ABLIM2: variants seen among roughly 807,000 people sequenced by gnomAD.
ABLIM2 encodes the protein actin binding LIM protein family member 2.
ABLIM2 carries 53 observed loss-of-function variants against 97.7 expected under a neutral mutation model. The observed-to-expected ratio is 0.54, with a 90% CI of 0.44 to 0.68. ABLIM2 has a LOEUF of 0.68. Among genes scored for constraint, ABLIM2 ranks in the 30% least tolerant of loss-of-function variants. The pLI is 0.00. For missense variants in ABLIM2, 835 were observed against 867.2 expected (o/e 0.96, Z 0.47); for synonymous variants, 361 against 345.8 (o/e 1.04, Z -0.49).
intron 6 of ABLIM2, among the ~76,000 whole-genome samples, chr4:8,070,960 C>T (rs1222800301): frequency 6.6e-6 from 1 of 152,168 alleles, no homozygotes; most frequent in Non-Finnish European, 1.5e-5. Context: ...GGGCTGGAAA[C>T]AGGCACCCCC....
At chr4:8,078,321 T>C (rs1321371997) in intron 5 of ABLIM2, among the ~76,000 whole-genome samples, 3 of 152,226 alleles carry the variant, frequency 2.0e-5, no homozygotes, top group Admixed American at 6.5e-5. Context: ...GCTGCACGTA[T>C]GCGTCCATCC....
At chr4:8,129,920 A>T (rs755452028) in intron 1 of ABLIM2, among the ~76,000 whole-genome samples, 1 of 152,186 alleles carries the variant, frequency 6.6e-6, no homozygotes, top group Non-Finnish European at 1.5e-5. Context: ...GCTCAGAGAC[A>T]CTGGGGAGCC....
intron 11 of ABLIM2, 113 bp from the exon 12 acceptor site, chr4:8,027,970 T>C (rs530699603): frequency 1.3e-6 from 1 of 753,030 alleles, no homozygotes; most frequent in Non-Finnish European, 2.0e-6. Flanking sequence ...TCTTGAGGAA[T>C]GCACAACTTT....
chr4:7,982,456 A>C (rs533055609), intron 20 of ABLIM2, among the ~76,000 whole-genome samples: 150 of 152,358 alleles, frequency 9.8e-4, no homozygotes, highest in Non-Finnish European at 1.7e-3. Flanking sequence ...GGCGGTTGTG[A>C]GGAGTAACAG....
intron 1 of ABLIM2, among the ~76,000 whole-genome samples, chr4:8,109,961 T>C (rs1468439484): frequency 1.3e-5 from 2 of 152,220 alleles, no homozygotes; most frequent in African/African-American, 4.8e-5. Flanking sequence ...AGAAACCACC[T>C]CATCCGTTAT....
chr4:8,155,915 G>A lies in ABLIM2; in HGVS notation c.10+2765C>T, dbSNP rs1009048690. Reference sequence around the variant, plus strand: ...GGCCGTCCACAAGCCAAGGAGAGGGGCTTTGGAAGGAAGTAACCCAGCTGA... The same window carrying A: ...GGCCGTCCACAAGCCAAGGAGAGGGACTTTGGAAGGAAGTAACCCAGCTGA... On this transcript the variant is annotated intron_variant, in intron 1 of 20. Coordinates refer to ENST00000447017, the MANE Select transcript of ABLIM2 (RefSeq NM_001130083.2). The surrounding 1 kb of genome is among the most constrained non-coding windows in gnomAD (Gnocchi z 4.2). 6.6e-6 allele frequency among the ~76,000 whole-genome samples: 1 copy of A among 152,158 alleles called. No homozygotes were observed. Among genetic ancestry groups the A allele is most frequent in the South Asian group, 2.1e-4 (1 of 4,824 alleles).
At chr4:8,101,566 C>G (rs974540384) in intron 2 of ABLIM2, among the ~76,000 whole-genome samples, 3 of 152,242 alleles carry the variant, frequency 2.0e-5, no homozygotes, top group Non-Finnish European at 4.4e-5. Flanking sequence ...TCCTCAGGGA[C>G]AACTCCACCT....
chr4:8,041,857 T>C (rs1416177035), intron 9 of ABLIM2, among the ~76,000 whole-genome samples: 1 of 151,322 alleles, frequency 6.6e-6, no homozygotes, highest in East Asian at 1.9e-4. Flanking sequence ...TGAGCTGAGA[T>C]TGCACCACTG....
intron 14 of ABLIM2, among the ~76,000 whole-genome samples, chr4:8,011,385 A>T (rs2150523283): frequency 6.6e-6 from 1 of 152,352 alleles, no homozygotes; most frequent in East Asian, 1.9e-4. Context: ...AGAACAGATG[A>T]CCGAGTCTCT....
intron 17 of ABLIM2, among the ~76,000 whole-genome samples, chr4:7,985,775 C>T (rs1298518029): frequency 6.6e-6 from 1 of 152,222 alleles, no homozygotes; most frequent in East Asian, 1.9e-4. Flanking sequence ...GTGCCCGTGG[C>T]ATTCATCAGC....
Position 8,068,793 on chromosome 4 carries a change from C to T in ABLIM2, c.676-7739G>A, listed in dbSNP as rs964169175. 1.3e-5 allele frequency among the ~76,000 whole-genome samples: 2 copies of T among 152,264 alleles called. No homozygotes were observed. The highest frequency in any genetic ancestry group is 2.4e-5 in the African/African-American group (1 of 41,472). On this transcript the variant is annotated intron_variant, in intron 6 of 20. Transcript: ENST00000447017. This position sits in a 1 kb window ranked among gnomAD's most constrained non-coding sequence, Gnocchi z 4.5. ...CCCAGCAGCTGCTCCTCACAGTCAT[C>T]GGCCCAGTTCAGAGCTCTAGTTTCC...
chr4:8,057,094 C>T (rs1580053593), intron 7 of ABLIM2, among the ~76,000 whole-genome samples: 1 of 141,782 alleles, frequency 7.1e-6, no homozygotes, highest in Non-Finnish European at 1.5e-5. Context: ...TCTTTTCTTT[C>T]TTTCTTTTTT....
At chr4:8,006,317 G>A (rs978495517) in intron 16 of ABLIM2, among the ~76,000 whole-genome samples, 9 of 152,224 alleles carry the variant, frequency 5.9e-5, no homozygotes, top group Non-Finnish European at 1.0e-4. Flanking sequence ...GGCCACAAAC[G>A]TCAGTAGAAA....
intron 11 of ABLIM2, among the ~76,000 whole-genome samples, chr4:8,028,110 G>A (rs777518308): frequency 6.6e-6 from 1 of 152,244 alleles, no homozygotes; most frequent in African/African-American, 2.4e-5. Context: ...TTCCCCAGGG[G>A]GGGTTAGGCC....
chr4:7,969,149 A>G (rs947110258), intron 20 of ABLIM2, among the ~76,000 whole-genome samples: 3 of 151,198 alleles, frequency 2.0e-5, no homozygotes, highest in Non-Finnish European at 4.4e-5. Context: ...TAAATAAAAT[A>G]AAATAGTTAA....
At chr4:8,156,534 T>C (rs1435389035) in intron 1 of ABLIM2, among the ~76,000 whole-genome samples, 1 of 152,150 alleles carries the variant, frequency 6.6e-6, no homozygotes. Context: ...ATCCTGGAGG[T>C]GCCCTGTGTC....
At chr4:8,062,494 C>T (rs1222431012) in intron 6 of ABLIM2, among the ~76,000 whole-genome samples, 1 of 150,694 alleles carries the variant, frequency 6.6e-6, no homozygotes, top group Non-Finnish European at 1.5e-5. Context: ...GGATGGAGTG[C>T]AGTGGCGCGA....
chr4:7,970,904 G>A lies in ABLIM2; in HGVS notation c.1825-3801C>T, dbSNP rs116824788. Among the ~76,000 whole-genome samples, 6,877 of 152,106 alleles carry A rather than the reference G, an allele frequency of 0.045. 241 individuals are homozygous for A. The highest frequency in any genetic ancestry group is 0.075 in the Admixed American group (1,153 of 15,278). ...TGGCCTACAGGGCCCAGGACTTGGG[G>A]CCAGGGGTCTAGGGGGCTGACAGGG... On this transcript the variant is annotated intron_variant, in intron 20 of 20. Transcript: ENST00000447017. This position sits in a 1 kb window ranked among gnomAD's most constrained non-coding sequence, Gnocchi z 5.3.
chr4:8,061,537 T>G lies in ABLIM2; in HGVS notation c.676-483A>C, dbSNP rs1263496161. On this transcript the variant is annotated intron_variant, in intron 6 of 20. Transcript: ENST00000447017. The surrounding 1 kb of genome is among the most constrained non-coding windows in gnomAD (Gnocchi z 4.5). ...CACATCTCTGTATTGCTCAGTATGT[T>G]CAATGAGCATTTTGTTTTTATCATT... 6.6e-6 allele frequency among the ~76,000 whole-genome samples: 1 copy of G among 152,126 alleles called. No individual in the cohort carries two copies. Among genetic ancestry groups the G allele is most frequent in the Non-Finnish European group, 1.5e-5 (1 of 68,004 alleles).
Sources: gnomAD v4.1 joint callset for allele counts (sites outside exome capture counted in the v4.1 genomes callset) on GRCh38, gnomAD v4.1.1 for gene constraint, Gnocchi (gnomAD v3.1) non-coding constraint, MANE v1.5 for transcripts, NCBI Gene and HGNC (gene_info 2026-07-23, HGNC 2026-07-21) for gene names.